Variants in DENND1A observed in about 807,000 individuals in gnomAD.
DENND1A encodes the protein DENN domain containing 1A, also known as DENN domain-containing protein 1A.
Under a neutral mutation model 113.7 loss-of-function variants are expected in DENND1A, and 51 were observed. The ratio of observed to expected loss-of-function variants is 0.45; its 90% CI spans 0.36 to 0.57. The LOEUF is 0.57. Ranked by LOEUF, DENND1A falls within the 20% of genes least tolerant of loss-of-function variation. The probability of loss-of-function intolerance (pLI) is 0.00; values close to 1 mark genes in which losing one functional copy is unlikely to be tolerated. For synonymous variants in DENND1A, 565 were observed against 570.8 expected (o/e 0.99, Z 0.14); for missense variants, 1,258 against 1,395.9 (o/e 0.90, Z 1.57).
At chr9:123,802,051 T>G (rs1834761918) in intron 2 of DENND1A, among the ~76,000 whole-genome samples, 1 of 152,148 alleles carries the variant, frequency 6.6e-6, no homozygotes, top group Non-Finnish European at 1.5e-5. Context: ...TTTAATGAGG[T>G]TGCCACAGGA....
At chr9:123,538,749 AGTGTGTGTGT>A (rs145062895) in intron 13 of DENND1A, among the ~76,000 whole-genome samples, 2,501 of 90,996 alleles carry the variant, frequency 0.027, 41 homozygotes, top group East Asian at 0.032. Flanking sequence ...TATGTGTGTG[AGTGTGTGTGT>A]GTGTGTGTGT....
chr9:123,886,798 A>T (rs1849165084), intron 1 of DENND1A, among the ~76,000 whole-genome samples: 1 of 152,192 alleles, frequency 6.6e-6, no homozygotes, highest in Non-Finnish European at 1.5e-5. Flanking sequence ...CATTGTTGAG[A>T]CTTGTTAGAA....
At chr9:123,527,704 C>G (rs1018948664) in intron 13 of DENND1A, among the ~76,000 whole-genome samples, 2 of 152,146 alleles carry the variant, frequency 1.3e-5, no homozygotes, top group African/African-American at 4.8e-5. Flanking sequence ...CTGCACTGGT[C>G]TGACCCATTC....
chr9:123,882,776 G>C (rs1848504502), intron 1 of DENND1A, among the ~76,000 whole-genome samples: 1 of 152,156 alleles, frequency 6.6e-6, no homozygotes, highest in Admixed American at 6.5e-5. Context: ...TGTAGTCCTG[G>C]AGCTGCACAT....
intron 9 of DENND1A, among the ~76,000 whole-genome samples, chr9:123,638,246 G>C (rs2061823091): frequency 6.6e-6 from 1 of 152,150 alleles, no homozygotes; most frequent in Non-Finnish European, 1.5e-5. Context: ...ACCATGGTGT[G>C]GTAAACCACA....
chr9:123,540,487 A>G (rs2056204465), intron 13 of DENND1A, among the ~76,000 whole-genome samples: 1 of 152,202 alleles, frequency 6.6e-6, no homozygotes, highest in South Asian at 2.1e-4. Flanking sequence ...GGTGAGTCCT[A>G]AAGATCAGGA....
Position 123,535,676 on chromosome 9 carries a change from C to T in DENND1A, c.993+21894G>A, listed in dbSNP as rs192945907. Reference sequence around the variant, plus strand: ...GCTCAGATCCCAGCTATTTGAATGCCGGTGACTTCTCATCACTCAGGTTTC... The same window carrying T: ...GCTCAGATCCCAGCTATTTGAATGCTGGTGACTTCTCATCACTCAGGTTTC... On this transcript the variant is annotated intron_variant, in intron 13 of 23. Transcript: ENST00000394215. Among the ~76,000 whole-genome samples, 6 of 152,274 alleles carry T rather than the reference C, an allele frequency of 3.9e-5. No homozygotes were observed. The South Asian group carries it at 6.2e-4, about 16-fold the overall frequency.
intron 1 of DENND1A, among the ~76,000 whole-genome samples, chr9:123,880,743 T>C (rs975775978): frequency 2.0e-5 from 3 of 152,178 alleles, no homozygotes; most frequent in Admixed American, 1.3e-4. Context: ...TCTAGAAACA[T>C]GGCCAGGACC....
intron 2 of DENND1A, among the ~76,000 whole-genome samples, chr9:123,864,134 AAACT>A (rs1476073071): frequency 6.6e-6 from 1 of 152,178 alleles, no homozygotes; most frequent in Non-Finnish European, 1.5e-5. Context: ...AGAAGAAAGA[AAACT>A]AACCAGGCAC....
intron 2 of DENND1A, among the ~76,000 whole-genome samples, chr9:123,820,172 G>A (rs948393900): frequency 6.6e-6 from 1 of 152,158 alleles, no homozygotes; most frequent in Non-Finnish European, 1.5e-5. Flanking sequence ...CAGTATGATA[G>A]GTTGCCTTCA....
At chr9:123,382,708 C>T in intron 23 of DENND1A, 83 bp from the exon 24 acceptor site, 2 of 1,413,084 alleles carry the variant, frequency 1.4e-6, no homozygotes, top group Non-Finnish European at 2.0e-6. Flanking sequence ...CTTCTGTGTG[C>T]TGAATGTGTG....
rs776761110 is a variant in DENND1A at position 123,757,829 on chromosome 9, CA to C, written c.183-8del. 6.2e-6 allele frequency: 10 copies of C among 1,613,068 alleles called. No homozygotes were observed. The highest frequency in any genetic ancestry group is 2.7e-5 in the African/African-American group (2 of 74,880). On this transcript the variant is annotated splice_polypyrimidine_tract_variant and splice_region_variant and intron_variant, in intron 4 of 23. Coordinates refer to ENST00000394215, the MANE Select transcript of DENND1A (RefSeq NM_001352964.2). ...AACTTGGCTAACTGTGAGGCTGCAG[CA>C]AAGGCAGAACAAAGGGGAAAATGAA... is the stretch of plus-strand genomic sequence containing the variant.
intron 3 of DENND1A, among the ~76,000 whole-genome samples, chr9:123,786,238 C>T (rs1590078628): frequency 6.6e-6 from 1 of 151,684 alleles, no homozygotes; most frequent in East Asian, 1.9e-4. Flanking sequence ...GAAAGAAATG[C>T]ACATATCTAA....
At chr9:123,520,162 A>C (rs2054277889) in intron 13 of DENND1A, among the ~76,000 whole-genome samples, 1 of 150,380 alleles carries the variant, frequency 6.6e-6, no homozygotes, top group African/African-American at 2.4e-5. Context: ...AAAAAAAAAA[A>C]AAAAAAAAAA....
intron 1 of DENND1A, among the ~76,000 whole-genome samples, chr9:123,894,971 T>G (rs764072203): frequency 6.6e-6 from 1 of 151,742 alleles, no homozygotes. Flanking sequence ...CTGAGCAAAG[T>G]ACAGAGGTAT....
intron 2 of DENND1A, among the ~76,000 whole-genome samples, chr9:123,874,831 G>C (rs1217622863): frequency 6.6e-6 from 1 of 152,186 alleles, no homozygotes; most frequent in African/African-American, 2.4e-5. Flanking sequence ...CTGCAGGTGG[G>C]AGTACAGACT....
intron 5 of DENND1A, among the ~76,000 whole-genome samples, chr9:123,730,481 T>G (rs1172967888): frequency 1.3e-5 from 2 of 152,090 alleles, no homozygotes; most frequent in African/African-American, 4.8e-5. Flanking sequence ...AAGACATTTA[T>G]ACAGCCAACA....
chr9:123,775,287 G>A (rs948484691), intron 3 of DENND1A, among the ~76,000 whole-genome samples: 1 of 152,158 alleles, frequency 6.6e-6, no homozygotes, highest in African/African-American at 2.4e-5. Context: ...TCAGAATTCA[G>A]TGGTAATTCC....
intron 9 of DENND1A, among the ~76,000 whole-genome samples, chr9:123,637,973 ACC>A (rs2061806594): frequency 7.5e-6 from 1 of 133,746 alleles, no homozygotes; most frequent in Non-Finnish European, 1.6e-5. Context: ...ACACACACAC[ACC>A]AAAAAAACCA....
Sources: gnomAD v4.1 joint callset for allele counts (sites outside exome capture counted in the v4.1 genomes callset) on GRCh38, gnomAD v4.1.1 for gene constraint, MANE v1.5 for transcripts, NCBI Gene and HGNC (gene_info 2026-07-23, HGNC 2026-07-21) for gene names.